Variants in FBXL17 observed in about 807,000 individuals in gnomAD.
The protein encoded by FBXL17 is F-box and leucine rich repeat protein 17, also known as F-box/LRR-repeat protein 17.
In FBXL17, 22 loss-of-function variants were observed where a neutral mutation model predicts 66.2. The observed-to-expected ratio is 0.33, with a 90% CI of 0.24 to 0.47. FBXL17 has a LOEUF of 0.47. Among genes scored for constraint, FBXL17 ranks in the 20% least tolerant of loss-of-function variants. The pLI, the probability that FBXL17 is intolerant of heterozygous loss-of-function variation, is 1.00. For synonymous variants in FBXL17, 474 were observed against 400.5 expected (o/e 1.18, Z -2.19); for missense variants, 878 against 948.2 (o/e 0.93, Z 0.97).
chr5:108,018,335 T>C (rs1245033852), intron 7 of FBXL17, among the ~76,000 whole-genome samples: 2 of 152,132 alleles, frequency 1.3e-5, no homozygotes, highest in African/African-American at 4.8e-5. Context: ...GAATTTGTAA[T>C]AATAGGGTAG....
intron 6 of FBXL17, among the ~76,000 whole-genome samples, chr5:108,134,909 A>T (rs1751076641): frequency 1.3e-5 from 2 of 152,142 alleles, no homozygotes; most frequent in Non-Finnish European, 1.5e-5. Context: ...AACAGCTGCT[A>T]TGGAATTTGT....
At chr5:107,908,918 CCTT>C (rs1749854070) in intron 7 of FBXL17, among the ~76,000 whole-genome samples, 1 of 152,144 alleles carries the variant, frequency 6.6e-6, no homozygotes, top group Non-Finnish European at 1.5e-5. Context: ...ACAGTGAACT[CCTT>C]CTGAAATGGT....
At chr5:108,188,246 T>C (rs1286549464) in intron 5 of FBXL17, among the ~76,000 whole-genome samples, 1 of 152,134 alleles carries the variant, frequency 6.6e-6, no homozygotes, top group Non-Finnish European at 1.5e-5. Context: ...CTCTGAAGCA[T>C]GCTGCCCAAC....
At chr5:108,017,460 T>G (rs1275301467) in intron 7 of FBXL17, among the ~76,000 whole-genome samples, 1 of 152,176 alleles carries the variant, frequency 6.6e-6, no homozygotes, top group Non-Finnish European at 1.5e-5. Flanking sequence ...GAAGATTCTG[T>G]ATGACAAGAA....
At chr5:108,350,944 C>A (rs1036415799) in intron 3 of FBXL17, among the ~76,000 whole-genome samples, 1 of 152,038 alleles carries the variant, frequency 6.6e-6, no homozygotes, top group Admixed American at 6.6e-5. Context: ...GGATAACGGT[C>A]GTAAGATACT....
chr5:108,374,929 T>TCAGA (rs1749316144), intron 1 of FBXL17, among the ~76,000 whole-genome samples: 1 of 152,010 alleles, frequency 6.6e-6, no homozygotes, highest in Non-Finnish European at 1.5e-5. Flanking sequence ...CCTAAACTTC[T>TCAGA]ACCTCAAGAA....
chr5:108,034,751 C>A (rs891916853), intron 6 of FBXL17, among the ~76,000 whole-genome samples: 1 of 151,840 alleles, frequency 6.6e-6, no homozygotes, highest in Non-Finnish European at 1.5e-5. Flanking sequence ...AAATGGAAAC[C>A]ACTGAGAAAT....
chr5:108,380,616 A>C, intron 1 of FBXL17, 83 bp downstream of exon 1: 1 of 839,856 alleles, frequency 1.2e-6, no homozygotes, highest in Non-Finnish European at 1.6e-6. Flanking sequence ...CTCCGCGCTT[A>C]GGGGGAGGAG....
chr5:108,124,482 G>A (rs544921827), intron 6 of FBXL17, among the ~76,000 whole-genome samples: 1 of 151,910 alleles, frequency 6.6e-6, no homozygotes, highest in Non-Finnish European at 1.5e-5. Context: ...CCAAACTTAA[G>A]CAAATTCAAG....
chr5:107,872,800 G>A (rs1179623228), intron 8 of FBXL17, among the ~76,000 whole-genome samples: 2 of 152,226 alleles, frequency 1.3e-5, no homozygotes, highest in Non-Finnish European at 2.9e-5. Context: ...CTCAATGTGA[G>A]ACAGATGCTA....
chr5:108,368,265 C>T (rs189783416), intron 1 of FBXL17, among the ~76,000 whole-genome samples: 10 of 149,900 alleles, frequency 6.7e-5, no homozygotes, highest in Admixed American at 6.7e-4. Context: ...TAACCAAAAA[C>T]TAATAAAAAA....
intron 4 of FBXL17, among the ~76,000 whole-genome samples, chr5:108,325,889 A>T (rs1022606700): frequency 2.0e-5 from 3 of 152,214 alleles, no homozygotes; most frequent in African/African-American, 7.2e-5. Flanking sequence ...GCAATAGCTA[A>T]CATTTTCTAG....
intron 7 of FBXL17, among the ~76,000 whole-genome samples, chr5:107,988,558 G>A (rs932693682): frequency 2.0e-5 from 3 of 151,520 alleles, no homozygotes; most frequent in African/African-American, 7.3e-5. Context: ...TTAAAATGAA[G>A]GCAAAGCATT....
intron 1 of FBXL17, among the ~76,000 whole-genome samples, chr5:108,371,667 A>G (rs1289595944): frequency 6.6e-6 from 1 of 152,230 alleles, no homozygotes; most frequent in African/African-American, 2.4e-5. Flanking sequence ...GAACTAAAGG[A>G]AATTATGAGA....
chr5:108,009,296 T>TAGATAGATAGATAG (rs1442694841), intron 7 of FBXL17, among the ~76,000 whole-genome samples: 1 of 32,428 alleles, frequency 3.1e-5, no homozygotes, highest in Non-Finnish European at 7.0e-5. Context: ...TATATATATA[T>TAGATAGATAGATAG]ATATACATAT....
chr5:108,124,206 G>A (rs1414657118), intron 6 of FBXL17, among the ~76,000 whole-genome samples: 1 of 151,944 alleles, frequency 6.6e-6, no homozygotes, highest in Non-Finnish European at 1.5e-5. Flanking sequence ...GAGGTTAAAT[G>A]TAAACTGGAA....
At chr5:108,281,095 C>A (rs1408924318) in intron 4 of FBXL17, among the ~76,000 whole-genome samples, 1 of 151,704 alleles carries the variant, frequency 6.6e-6, no homozygotes, top group Non-Finnish European at 1.5e-5. Flanking sequence ...ACACCCTACT[C>A]ACAGTATTAA....
chr5:108,127,514 T>C (rs2149972507), intron 6 of FBXL17, among the ~76,000 whole-genome samples: 1 of 152,274 alleles, frequency 6.6e-6, no homozygotes, highest in Non-Finnish European at 1.5e-5. Context: ...TCAAAGATTA[T>C]CGACACATAA....
At chr5:108,053,080 A>C (rs1397166392) in intron 6 of FBXL17, among the ~76,000 whole-genome samples, 1 of 152,248 alleles carries the variant, frequency 6.6e-6, no homozygotes, top group Non-Finnish European at 1.5e-5. Flanking sequence ...TGTAAAACCC[A>C]AAACCATAAA....
Sources: allele counts gnomAD v4.1 joint callset (sites outside exome capture counted in the v4.1 genomes callset), GRCh38; gene constraint gnomAD v4.1.1; transcripts MANE v1.5; gene names NCBI Gene and HGNC (gene_info 2026-07-23, HGNC 2026-07-21).